KRTAP10-4: variants seen among roughly 807,000 people sequenced by gnomAD.
KRTAP10-4 encodes the protein keratin-associated protein 10-4.
For missense variants in KRTAP10-4, 374 were observed against 507.6 expected (o/e 0.74, Z 2.53); for synonymous variants, 147 against 213.7 (o/e 0.69, Z 2.72).
At position 44,573,933 on chromosome 21, in the gene KRTAP10-4, C is replaced by G. The variant is rs1161482885; in HGVS notation, c.175C>G (p.Pro59Ala). ...CCCCTGCCTGAGCCTGGTCTGCACC[C>G]CAGTGAGCCGTGTGTCCAGCCCCTG... is the stretch of plus-strand genomic sequence containing the variant. ...PAPCLSLVCT[P>A]VSRVSSPCCP... The change falls in exon 1 of 1, where the codon CCA (proline) becomes GCA (alanine). Residue 59 changes from proline (P) to alanine (A), a missense_variant. Physicochemically the swap from Pro to Ala is conservative, Grantham distance 27. Coordinates refer to ENST00000400374, the MANE Select transcript of KRTAP10-4 (RefSeq NM_198687.2). The G allele has an allele frequency of 6.2e-6, 10 of 1,612,480 alleles. No individual in the cohort carries two copies. In the African/African-American group the frequency reaches 1.1e-4, roughly 17 times the overall value.
chr21:44,575,158 T>G lies in KRTAP10-4; in HGVS notation c.*194T>G. The G allele has an allele frequency of 1.1e-6, 1 of 896,014 alleles. No individual in the cohort carries two copies. The highest frequency in any genetic ancestry group is 1.7e-5 in the African/African-American group (1 of 59,118). 55.5% of individuals were successfully genotyped at this position (896,014 alleles called of 1,614,324 possible). A position where few individuals can be genotyped will look rare whatever the true frequency, so the allele number is the denominator to read the frequency against. ...AGCTGGACAATGGAAGAACTGAAAG[T>G]CTATACTCAATGCTGCAGCCCTCTT... On this transcript the variant is annotated 3_prime_UTR_variant, in exon 1 of 1. Transcript: ENST00000400374.
rs781802508 is a variant in KRTAP10-4, at chr21:44,574,883, G to A, written c.1125G>A (p.Val375=). ...CRPVCRPACC[V]PVPSCCAPTS... Reference sequence around the variant, plus strand: ...CCGTGTGCAGGCCCGCCTGCTGCGTGCCCGTCCCTTCCTGCTGTGCTCCCA... The same window carrying A: ...CCGTGTGCAGGCCCGCCTGCTGCGTACCCGTCCCTTCCTGCTGTGCTCCCA... Residue 375 remains valine, a synonymous_variant, in exon 1 of 1, where the codon GTG becomes GTA. Transcript: ENST00000400374. 2.2e-5 allele frequency: 36 copies of A among 1,612,226 alleles called. No homozygotes were observed. In the East Asian group the frequency reaches 7.6e-4, roughly 34 times the overall value.
chr21:44,574,749 G>A lies in KRTAP10-4; in HGVS notation c.991G>A (p.Val331Ile). Residue 331 changes from valine (V) to isoleucine (I), a missense_variant, in exon 1 of 1, where the codon GTT becomes ATT. Physicochemically the swap from Val to Ile is conservative, Grantham distance 29. Transcript: ENST00000400374. ...VCCKPVSCVP[V>I]CSGASSSCCQ... The stretch of plus-strand genomic sequence containing the variant: ...CTGCAAGCCTGTGAGCTGTGTGCCT[G>A]TTTGCTCTGGGGCTTCCTCTTCATG... 2 of 1,613,014 alleles carry A rather than the reference G, an allele frequency of 1.2e-6. No individual in the cohort carries two copies. Among genetic ancestry groups the A allele is most frequent in the South Asian group, 1.1e-5 (1 of 91,002 alleles).
Position 44,575,017 on chromosome 21 carries a change from C to A in KRTAP10-4, c.*53C>A. ...TGAGGCCTCCGCTCAGGTCAGAAGC[C>A]CAGCTGCTGATGGACACGCCCCCCA... On this transcript the variant is annotated 3_prime_UTR_variant, in exon 1 of 1. Transcript: ENST00000400374. 1 of 1,595,870 alleles carries A rather than the reference C, an allele frequency of 6.3e-7. No homozygotes were observed. The highest frequency in any genetic ancestry group is 1.1e-5 in the South Asian group (1 of 87,582).
chr21:44,574,719 G>C lies in KRTAP10-4; in HGVS notation c.961G>C (p.Val321Leu). ...AAGCCAGCAGGGCTGCTGCGTGCCCGTCTGCTGCAAGCCTGTGAGCTGTGT... is the reference window on the plus strand; with the variant it reads ...AAGCCAGCAGGGCTGCTGCGTGCCCCTCTGCTGCAAGCCTGTGAGCTGTGT... The part of the protein sequence containing the change: ...SQSQQGCCVP[V>L]CCKPVSCVPV... Residue 321 changes from valine to leucine, a missense_variant, in exon 1 of 1, where the codon GTC becomes CTC. Physicochemically the swap from Val to Leu is conservative, Grantham distance 32 (BLOSUM62 1). Transcript: ENST00000400374. 1 of 1,609,004 alleles carries C rather than the reference G, an allele frequency of 6.2e-7. No individual in the cohort carries two copies. Among genetic ancestry groups the C allele is most frequent in the South Asian group, 1.1e-5 (1 of 90,994 alleles).
Position 44,574,343 on chromosome 21 carries a change from C to A in KRTAP10-4, c.585C>A (p.Pro195=). 1 of 1,609,906 alleles carries A rather than the reference C, an allele frequency of 6.2e-7. No individual in the cohort carries two copies. Among genetic ancestry groups the A allele is most frequent in the Non-Finnish European group, 8.5e-7 (1 of 1,178,566 alleles). The change falls in exon 1 of 1, where the codon CCC becomes CCA. Residue 195 remains proline (P), a synonymous_variant. Coordinates refer to ENST00000400374, the MANE Select transcript of KRTAP10-4 (RefSeq NM_198687.2). ...GCCAGGCGGTCTGTGAGCCCAGCCC[C>A]TGCCAATCAGGCTGCATCAGCTCCT... ...PCCQAVCEPS[P]CQSGCISSCT...
chr21:44,575,002 G>C lies in KRTAP10-4; in HGVS notation c.*38G>C, dbSNP rs782264927. 1.9e-6 allele frequency: 3 copies of C among 1,605,710 alleles called. No individual in the cohort carries two copies. In the East Asian group the frequency reaches 6.7e-5, roughly 36 times the overall value. ...TCCCGCCCAGCCTGCTGAGGCCTCC[G>C]CTCAGGTCAGAAGCCCAGCTGCTGA... On this transcript the variant is annotated 3_prime_UTR_variant, in exon 1 of 1. Coordinates refer to ENST00000400374, the MANE Select transcript of KRTAP10-4 (RefSeq NM_198687.2).
chr21:44,574,803 T>C lies in KRTAP10-4; in HGVS notation c.1045T>C (p.Cys349Arg), dbSNP rs782006974. The change falls in exon 1 of 1, where the codon TGC (cysteine) becomes CGC (arginine). Residue 349 changes from cysteine (C) to arginine (R), a missense_variant. By Grantham distance (180) the Cys-to-Arg change is radical. Transcript: ENST00000400374. ...CCQQSSCQPA[C>R]CTTSCCRPSS... is the part of the protein sequence containing the mutation. ...CCAGCAATCTAGCTGCCAGCCAGCT[T>C]GCTGCACCACCTCCTGCTGCAGACC... 8.1e-6 allele frequency: 13 copies of C among 1,614,112 alleles called. No homozygotes were observed. Among genetic ancestry groups the C allele is most frequent in the Non-Finnish European group, 1.1e-5 (13 of 1,180,018 alleles).
At position 44,574,467 on chromosome 21, in the gene KRTAP10-4, G is replaced by A. The variant is rs782614204; in HGVS notation, c.709G>A (p.Val237Ile). The change falls in exon 1 of 1, where the codon GTC becomes ATC. Residue 237 changes from valine (V) to isoleucine (I), a missense_variant. Coordinates refer to ENST00000400374, the MANE Select transcript of KRTAP10-4 (RefSeq NM_198687.2). ...ACCVPVCCKT[V>I]CCKPVCSEDS... ...CTGCGTGCCCGTCTGCTGCAAGACT[G>A]TCTGCTGCAAGCCTGTGTGCTCTGA... 1 of 1,604,850 alleles carries A rather than the reference G, an allele frequency of 6.2e-7. No individual in the cohort carries two copies. The highest frequency in any genetic ancestry group is 8.5e-7 in the Non-Finnish European group (1 of 1,176,672).
Position 44,574,527 on chromosome 21 carries a change from C to A in KRTAP10-4, c.769C>A (p.Gln257Lys). ...SSSCCQQSSC[Q>K]PACCTSSPCQ... ...TTCATGCTGCCAGCAGTCTAGCTGC[C>A]AGCCGGCTTGCTGCACCTCCTCTCC... Residue 257 changes from glutamine to lysine, a missense_variant, in exon 1 of 1, where the codon CAG (glutamine) becomes AAG (lysine). Transcript: ENST00000400374. The A allele has an allele frequency of 6.2e-7, 1 of 1,609,790 alleles. No homozygotes were observed. Among genetic ancestry groups the A allele is most frequent in the East Asian group, 2.2e-5 (1 of 44,756 alleles).
In KRTAP10-4 at chr21:44,575,300, TCAGAGCCG is replaced by T. The variant is rs1978360611; in HGVS notation, c.*344_*351del. On this transcript the variant is annotated 3_prime_UTR_variant, in exon 1 of 1. Coordinates refer to ENST00000400374, the MANE Select transcript of KRTAP10-4 (RefSeq NM_198687.2). ...CCCGTGAGGTCTCTGTCCTCCTGGCTCAGAGCCGCAGAGCCTTCTTTGGACGCCCTCAA... is the reference window on the plus strand; with the variant it reads ...CCCGTGAGGTCTCTGTCCTCCTGGCTCAGAGCCTTCTTTGGACGCCCTCAA... 1 of 461,802 alleles carries T rather than the reference TCAGAGCCG, an allele frequency of 2.2e-6. No homozygotes were observed. The highest frequency in any genetic ancestry group is 4.1e-6 in the Non-Finnish European group (1 of 246,702). 28.6% of individuals were successfully genotyped at this position (461,802 alleles called of 1,614,324 possible). A position where few individuals can be genotyped will look rare whatever the true frequency, so the allele number is the denominator to read the frequency against.
rs1189640888 is a variant in KRTAP10-4, at chr21:44,575,348, G to A, written c.*384G>A. The A allele has an allele frequency of 9.3e-6, 3 of 323,300 alleles. No individual in the cohort carries two copies. The highest frequency in any genetic ancestry group is 1.8e-5 in the Non-Finnish European group (3 of 166,348). 20.0% of individuals were successfully genotyped at this position (323,300 alleles called of 1,614,324 possible). A position where few individuals can be genotyped will look rare whatever the true frequency, so the allele number is the denominator to read the frequency against. ...GACGCCCTCAAGCTGACCAATAAAG[G>A]CCCTGAGACTGCAATGGCGCTGACA... On this transcript the variant is annotated 3_prime_UTR_variant, in exon 1 of 1. Transcript: ENST00000400374.
chr21:44,575,201 C>A lies in KRTAP10-4; in HGVS notation c.*237C>A, dbSNP rs1978353603. ...GCCCTCTTGCGGGGGGAGGGGGGCG[C>A]TTCTAGAAAGTTCCCATGGCAGTGG... On this transcript the variant is annotated 3_prime_UTR_variant, in exon 1 of 1. Coordinates refer to ENST00000400374, the MANE Select transcript of KRTAP10-4 (RefSeq NM_198687.2). 1 of 700,350 alleles carries A rather than the reference C, an allele frequency of 1.4e-6. No homozygotes were observed. The highest frequency in any genetic ancestry group is 2.4e-6 in the Non-Finnish European group (1 of 418,428). 43.4% of individuals were successfully genotyped at this position (700,350 alleles called of 1,614,324 possible).
In KRTAP10-4 at chr21:44,574,385, C is replaced by T. The variant is rs781804570; in HGVS notation, c.627C>T (p.Cys209=). 8.1e-6 allele frequency: 13 copies of T among 1,603,604 alleles called. No homozygotes were observed. The highest frequency in any genetic ancestry group is 3.4e-5 in the Admixed American group (2 of 59,346). Residue 209 remains cysteine (C), a synonymous_variant, in exon 1 of 1, where the codon TGC becomes TGT. Transcript: ENST00000400374. ...GCISSCTPSC[C]QQSSCQPACC... ...TCAGCTCCTGCACGCCCTCGTGCTGCCAGCAGTCTAGCTGCCAGCCGGCTT... is the reference window on the plus strand; with the variant it reads ...TCAGCTCCTGCACGCCCTCGTGCTGTCAGCAGTCTAGCTGCCAGCCGGCTT...
Position 44,573,983 on chromosome 21 carries a change from C to T in KRTAP10-4, c.225C>T (p.Ser75=), listed in dbSNP as rs1435412857. The change falls in exon 1 of 1, where the codon AGC becomes AGT. Residue 75 remains serine (S), a synonymous_variant. Coordinates refer to ENST00000400374, the MANE Select transcript of KRTAP10-4 (RefSeq NM_198687.2). ...GCTGCCCAGTGACCTGTGAGCCCAG[C>T]CCCTGCCAATCAGGCTGCACCAGCT... ...SPCCPVTCEP[S]PCQSGCTSSC... 1 of 1,612,506 alleles carries T rather than the reference C, an allele frequency of 6.2e-7. No individual in the cohort carries two copies. Among genetic ancestry groups the T allele is most frequent in the African/African-American group, 1.3e-5 (1 of 74,864 alleles).
rs202221435 is a variant in KRTAP10-4, at chr21:44,574,812, A to G, written c.1054A>G (p.Thr352Ala). 5.6e-6 allele frequency: 9 copies of G among 1,612,434 alleles called. No individual in the cohort carries two copies. Among genetic ancestry groups the G allele is most frequent in the Admixed American group, 1.7e-5 (1 of 59,916 alleles). ...QSSCQPACCTTSCCRPSSSVS... is the reference protein window; with the variant it reads ...QSSCQPACCTASCCRPSSSVS... ...TAGCTGCCAGCCAGCTTGCTGCACCACCTCCTGCTGCAGACCCTCCTCCTC... is the reference window on the plus strand; with the variant it reads ...TAGCTGCCAGCCAGCTTGCTGCACCGCCTCCTGCTGCAGACCCTCCTCCTC... The change falls in exon 1 of 1, where the codon ACC becomes GCC. Residue 352 changes from threonine to alanine, a missense_variant. By Grantham distance (58) the Thr-to-Ala change is moderately conservative. Transcript: ENST00000400374.
At position 44,574,447 on chromosome 21, in the gene KRTAP10-4, T is replaced by C. The variant is rs200058808; in HGVS notation, c.689T>C (p.Val230Ala). 3.4e-5 allele frequency: 54 copies of C among 1,601,864 alleles called. No homozygotes were observed. The African/African-American group carries it at 6.8e-4, about 20-fold the overall frequency. Reference sequence around the variant, plus strand: ...TCCTCCTGCCAGCAGGCCTGCTGCGTGCCCGTCTGCTGCAAGACTGTCTGC... The same window carrying C: ...TCCTCCTGCCAGCAGGCCTGCTGCGCGCCCGTCTGCTGCAAGACTGTCTGC... ...TSSSCQQACCVPVCCKTVCCK... is the reference protein window; with the variant it reads ...TSSSCQQACCAPVCCKTVCCK... The change falls in exon 1 of 1, where the codon GTG (valine) becomes GCG (alanine). Residue 230 changes from valine to alanine, a missense_variant. By Grantham distance (64) the Val-to-Ala change is moderately conservative (BLOSUM62 0). Coordinates refer to ENST00000400374, the MANE Select transcript of KRTAP10-4 (RefSeq NM_198687.2).
chr21:44,574,857 C>T lies in KRTAP10-4; in HGVS notation c.1099C>T (p.Pro367Ser), dbSNP rs782265309. 1 of 1,612,850 alleles carries T rather than the reference C, an allele frequency of 6.2e-7. No individual in the cohort carries two copies. Among genetic ancestry groups the T allele is most frequent in the Non-Finnish European group, 8.5e-7 (1 of 1,179,850 alleles). ...CTCCTCCGTGTCCCTCCTCTGCCGC[C>T]CCGTGTGCAGGCCCGCCTGCTGCGT... ...PSSSVSLLCR[P>S]VCRPACCVPV... The change falls in exon 1 of 1, where the codon CCC becomes TCC. Residue 367 changes from proline to serine, a missense_variant. Transcript: ENST00000400374.
In KRTAP10-4 at chr21:44,575,185, C is replaced by CA. The variant is rs1978350114; in HGVS notation, c.*221_*222insA. The CA allele has an allele frequency of 1.3e-6, 1 of 768,148 alleles. No individual in the cohort carries two copies. Among genetic ancestry groups the CA allele is most frequent in the African/African-American group, 1.8e-5 (1 of 56,928 alleles). 47.6% of individuals were successfully genotyped at this position (768,148 alleles called of 1,614,324 possible). On this transcript the variant is annotated 3_prime_UTR_variant, in exon 1 of 1. Coordinates refer to ENST00000400374, the MANE Select transcript of KRTAP10-4 (RefSeq NM_198687.2). ...TATACTCAATGCTGCAGCCCTCTTG[C>CA]GGGGGGAGGGGGGCGCTTCTAGAAA...
Sources: allele counts gnomAD v4.1 joint callset, GRCh38; gene constraint gnomAD v4.1.1; transcripts MANE v1.5; gene names NCBI Gene and HGNC (gene_info 2026-07-23, HGNC 2026-07-21).